CSMD3: variants seen among roughly 807,000 people sequenced by gnomAD.
The protein encoded by CSMD3 is CUB and Sushi multiple domains 3.
CSMD3 carries 177 observed loss-of-function variants against 435.2 expected under a neutral mutation model. That is an observed-to-expected ratio of 0.41 (90% CI 0.36 to 0.46). The LOEUF is 0.46. Ranked by LOEUF, CSMD3 falls within the 20% of genes least tolerant of loss-of-function variation. The pLI, the probability that CSMD3 is intolerant of heterozygous loss-of-function variation, is 0.34. For synonymous variants in CSMD3, 1,656 were observed against 1,520.5 expected, an observed-to-expected ratio of 1.09 and a Z score of -2.07; for missense variants, 4,265 against 4,504.6, an observed-to-expected ratio of 0.95 and a Z score of 1.52.
intron 6 of CSMD3, among the ~76,000 whole-genome samples, chr8:112,993,074 G>T (rs879405899): frequency 1.3e-5 from 2 of 151,700 alleles, no homozygotes; most frequent in Non-Finnish European, 2.9e-5. Flanking sequence ...TCAAGAGCAG[G>T]ATCCATGCAG....
intron 10 of CSMD3, among the ~76,000 whole-genome samples, chr8:112,910,378 G>C (rs1335491443): frequency 6.6e-6 from 1 of 151,684 alleles, no homozygotes; most frequent in African/African-American, 2.4e-5. Flanking sequence ...TCCTTCCTCA[G>C]ATAACTGTAC....
At chr8:112,579,960 C>T (rs931575325) in intron 23 of CSMD3, among the ~76,000 whole-genome samples, 4 of 151,908 alleles carry the variant, frequency 2.6e-5, no homozygotes, top group African/African-American at 4.8e-5. Flanking sequence ...CAATTGTAAC[C>T]GTGGTAAAAA....
At position 112,636,872 on chromosome 8, in the gene CSMD3, G is replaced by T. The variant is rs1434462941; in HGVS notation, c.3660C>A (p.Ile1220=). Residue 1220 remains isoleucine (I), a synonymous_variant, in exon 22 of 71, where the codon ATC becomes ATA. Transcript: ENST00000297405. ...SGYRLEGTSE[I]ICLGGGRRVW... is the part of the protein sequence containing the mutation. The stretch of plus-strand genomic sequence containing the variant: ...CTCGTCGGCCACCACCAAGACAGAT[G>T]ATCTCTGATGTTCCTTCCAGTCGAT... The T allele has an allele frequency of 6.2e-7, 1 of 1,613,556 alleles. No individual in the cohort carries two copies. The highest frequency in any genetic ancestry group is 8.5e-7 in the Non-Finnish European group (1 of 1,179,754).
Position 112,713,440 on chromosome 8 carries a change from C to T in CSMD3, c.1973-23390G>A, listed in dbSNP as rs115225396. 5.5e-3 allele frequency among the ~76,000 whole-genome samples: 821 copies of T among 150,154 alleles called. 5 individuals are homozygous for T. The highest frequency in any genetic ancestry group is 0.019 in the African/African-American group (776 of 40,834). On this transcript the variant is annotated intron_variant, in intron 13 of 70. Coordinates refer to ENST00000297405, the MANE Select transcript of CSMD3 (RefSeq NM_198123.2). The stretch of plus-strand genomic sequence containing the variant: ...TATGGGACTATGTAAAAAGACCGAA[C>T]CTACTATTGATCAGAGAGTCTGAAA...
At chr8:112,513,611 A>AG (rs1563642101) in intron 28 of CSMD3, among the ~76,000 whole-genome samples, 2 of 152,234 alleles carry the variant, frequency 1.3e-5, no homozygotes, top group Non-Finnish European at 2.9e-5. Flanking sequence ...TAATACAGGG[A>AG]CATGAAGTGA....
chr8:112,533,286 T>C (rs908035862), intron 27 of CSMD3, among the ~76,000 whole-genome samples: 1 of 151,956 alleles, frequency 6.6e-6, no homozygotes, highest in Admixed American at 6.6e-5. Context: ...AATAATGGCA[T>C]TGAATGTAAA....
chr8:113,345,359 C>T (rs2094145108), intron 1 of CSMD3, among the ~76,000 whole-genome samples: 2 of 152,056 alleles, frequency 1.3e-5, no homozygotes, highest in Admixed American at 1.3e-4. Flanking sequence ...TGCCTTATTG[C>T]TCAAATTTGC....
At chr8:112,907,158 A>G (rs1327695585) in intron 10 of CSMD3, among the ~76,000 whole-genome samples, 4 of 151,532 alleles carry the variant, frequency 2.6e-5, no homozygotes, top group Non-Finnish European at 4.4e-5. Flanking sequence ...ATCCATAAGT[A>G]CTGCTGAGTT....
chr8:113,187,055 C>G (rs1248099573), intron 3 of CSMD3, among the ~76,000 whole-genome samples: 1 of 151,680 alleles, frequency 6.6e-6, no homozygotes, highest in Non-Finnish European at 1.5e-5. Flanking sequence ...CAGTTATATA[C>G]AATATTTATT....
Position 112,406,664 on chromosome 8 carries a change from ATTC to A in CSMD3, c.5666_5668del (p.Arg1889del), listed in dbSNP as rs764367027. On this transcript the variant is annotated inframe_deletion, in exon 35 of 71. Transcript: ENST00000297405. ...TGAACCGACTGCAAATTCATTGCCA[ATTC>A]TTCTTCCGAATCTTGGTTCAGGCAC... is the stretch of plus-strand genomic sequence containing the variant. 1.2e-6 allele frequency: 2 copies of A among 1,612,322 alleles called. No individual in the cohort carries two copies. The highest frequency in any genetic ancestry group is 1.7e-6 in the Non-Finnish European group (2 of 1,178,752).
At chr8:112,683,085 G>A (rs1316479324) in intron 15 of CSMD3, among the ~76,000 whole-genome samples, 1 of 151,276 alleles carries the variant, frequency 6.6e-6, no homozygotes, top group Non-Finnish European at 1.5e-5. Flanking sequence ...CTCATCTTGA[G>A]AATTAAAGTG....
intron 24 of CSMD3, among the ~76,000 whole-genome samples, chr8:112,568,924 C>T (rs1379109390): frequency 6.6e-6 from 1 of 152,128 alleles, no homozygotes; most frequent in African/African-American, 2.4e-5. Flanking sequence ...TCCTTGCTAA[C>T]AACTCTGATT....
chr8:112,946,061 G>A (rs1734163069), intron 9 of CSMD3, among the ~76,000 whole-genome samples: 1 of 151,680 alleles, frequency 6.6e-6, no homozygotes, highest in South Asian at 2.1e-4. Flanking sequence ...GCACTTGAAG[G>A]TAATTTTGCT....
intron 30 of CSMD3, among the ~76,000 whole-genome samples, chr8:112,498,175 T>A (rs916217573): frequency 2.0e-5 from 3 of 152,168 alleles, no homozygotes; most frequent in Non-Finnish European, 4.4e-5. Context: ...TTTTGCTTTG[T>A]AAAATGGGGA....
Position 112,295,898 on chromosome 8 carries a change from A to G in CSMD3, c.8549T>C (p.Ile2850Thr), listed in dbSNP as rs755929916. 2 of 1,613,982 alleles carry G rather than the reference A, an allele frequency of 1.2e-6. No homozygotes were observed. Among genetic ancestry groups the G allele is most frequent in the Non-Finnish European group, 1.7e-6 (2 of 1,179,956 alleles). Residue 2850 changes from isoleucine (I) to threonine (T), a missense_variant, in exon 54 of 71, where the codon ATT becomes ACT. Ile to Thr is a moderately conservative substitution (Grantham distance 89). Coordinates refer to ENST00000297405, the MANE Select transcript of CSMD3 (RefSeq NM_198123.2). Reference protein sequence around the residue: ...VYQCNPGFRLIGSSVRICQQD... With the variant: ...VYQCNPGFRLTGSSVRICQQD... The stretch of plus-strand genomic sequence containing the variant: ...TTGACATATCCTCACTGAAGAACCA[A>G]TCAATCGAAAACCAGGATTACATTG...
intron 1 of CSMD3, among the ~76,000 whole-genome samples, chr8:113,322,270 T>C (rs1036956772): frequency 6.6e-6 from 1 of 152,200 alleles, no homozygotes; most frequent in Non-Finnish European, 1.5e-5. Context: ...CAAGTCATGA[T>C]GAAATTATCC....
intron 8 of CSMD3, among the ~76,000 whole-genome samples, chr8:112,949,314 C>T (rs1302080692): frequency 1.3e-5 from 2 of 151,976 alleles, no homozygotes; most frequent in African/African-American, 4.8e-5. Context: ...CCATATCCTT[C>T]TTGCCAACTG....
intron 4 of CSMD3, among the ~76,000 whole-genome samples, chr8:113,137,686 T>C (rs1035900175): frequency 2.6e-5 from 4 of 151,496 alleles, no homozygotes; most frequent in Non-Finnish European, 5.9e-5. Flanking sequence ...ACCAGACCAT[T>C]TCCCTCTATT....
In CSMD3 at chr8:112,972,068, ATAGAT is replaced by A. The variant is rs1408121978; in HGVS notation, c.1342+3764_1342+3768del. The stretch of plus-strand genomic sequence containing the variant: ...ATGTGTTAATTCACTTAATTAACAC[ATAGAT>A]TAGTCTGTACACATTAAGTACAAAA... On this transcript the variant is annotated intron_variant, in intron 7 of 70. Transcript: ENST00000297405. Among the ~76,000 whole-genome samples the A allele has an allele frequency of 3.3e-5, 5 of 152,012 alleles. No individual in the cohort carries two copies. In the East Asian group the frequency reaches 7.7e-4, roughly 23 times the overall value.
Sources: gnomAD v4.1 joint callset for allele counts (sites outside exome capture counted in the v4.1 genomes callset) on GRCh38, gnomAD v4.1.1 for gene constraint, MANE v1.5 for transcripts, NCBI Gene and HGNC (gene_info 2026-07-23, HGNC 2026-07-21) for gene names.